NOS1AP: variants seen among roughly 807,000 people sequenced by gnomAD.
NOS1AP encodes carboxyl-terminal PDZ ligand of neuronal nitric oxide synthase protein.
In NOS1AP, 21 loss-of-function variants were observed where a neutral mutation model predicts 56.2. That is an observed-to-expected ratio of 0.37 (90% CI 0.26 to 0.54). The LOEUF (loss-of-function observed/expected upper bound fraction) is 0.54. Ranked by LOEUF, NOS1AP falls within the 20% of genes least tolerant of loss-of-function variation. The pLI, the probability that NOS1AP is intolerant of heterozygous loss-of-function variation, is 0.84. For synonymous variants in NOS1AP, 270 were observed against 274.6 expected, an observed-to-expected ratio of 0.98 and a Z score of 0.17; for missense variants, 522 against 657.8, an observed-to-expected ratio of 0.79 and a Z score of 2.26.
intron 1 of NOS1AP, among the ~76,000 whole-genome samples, chr1:162,105,538 C>T (rs186357409): frequency 3.9e-5 from 6 of 152,298 alleles, no homozygotes; most frequent in East Asian, 1.9e-4. Flanking sequence ...AGATGGTGGC[C>T]GCCTCTCCCC....
intron 2 of NOS1AP, among the ~76,000 whole-genome samples, chr1:162,226,154 G>C (rs975036749): frequency 8.5e-5 from 13 of 152,060 alleles, no homozygotes; most frequent in Admixed American, 2.0e-4. Context: ...TTAGCTGGGC[G>C]TGGTGGTGCA....
At position 162,340,113 on chromosome 1, in the gene NOS1AP, G is replaced by C. The variant is rs936685962; in HGVS notation, c.454-3722G>C. ...TTCTGTGAAACAGTTAGAGTAGCTT[G>C]ATTATGTGTTCCAGTGCAGAGGGCT... On this transcript the variant is annotated intron_variant, in intron 5 of 9. Transcript: ENST00000361897. 2.0e-5 allele frequency among the ~76,000 whole-genome samples: 3 copies of C among 152,338 alleles called. No homozygotes were observed. The East Asian group carries it at 5.8e-4, about 29-fold the overall frequency.
intron 2 of NOS1AP, among the ~76,000 whole-genome samples, chr1:162,235,213 AG>A (rs1653249976): frequency 6.6e-6 from 1 of 152,098 alleles, no homozygotes; most frequent in Non-Finnish European, 1.5e-5. Context: ...TTTCCCCCAT[AG>A]AAGGGTTCAC....
intron 3 of NOS1AP, among the ~76,000 whole-genome samples, chr1:162,298,543 G>T (rs906624576): frequency 5.3e-5 from 8 of 152,206 alleles, no homozygotes; most frequent in African/African-American, 1.2e-4. Context: ...TAATAAGGTG[G>T]CATCCTACTC....
intron 2 of NOS1AP, among the ~76,000 whole-genome samples, chr1:162,177,354 A>C (rs1651099582): frequency 2.0e-5 from 3 of 152,172 alleles, no homozygotes; most frequent in South Asian, 2.1e-4. Flanking sequence ...TTTGTTACAC[A>C]GAGTGATTCG....
At chr1:162,149,689 T>C (rs917448056) in intron 1 of NOS1AP, among the ~76,000 whole-genome samples, 5 of 152,252 alleles carry the variant, frequency 3.3e-5, no homozygotes, top group African/African-American at 1.2e-4. Context: ...GATGCAGACC[T>C]GAATCCTGCT....
At chr1:162,266,036 G>A (rs915928886) in intron 2 of NOS1AP, among the ~76,000 whole-genome samples, 5 of 152,212 alleles carry the variant, frequency 3.3e-5, no homozygotes, top group African/African-American at 1.2e-4. Flanking sequence ...AAAGATGCAT[G>A]TGGTGTCTCT....
intron 2 of NOS1AP, among the ~76,000 whole-genome samples, chr1:162,196,851 C>T (rs79952763): frequency 0.027 from 4,057 of 152,286 alleles, 75 homozygotes; most frequent in Non-Finnish European, 0.041. Flanking sequence ...ATTTATTGTG[C>T]GAACGAATCT....
intron 2 of NOS1AP, among the ~76,000 whole-genome samples, chr1:162,163,688 G>A (rs1319597286): frequency 6.6e-6 from 1 of 152,122 alleles, no homozygotes. Context: ...TTCCTGGGGG[G>A]CAGGAATGGG....
chr1:162,127,854 C>T (rs534288581), intron 1 of NOS1AP, among the ~76,000 whole-genome samples: 3 of 152,226 alleles, frequency 2.0e-5, no homozygotes, highest in Non-Finnish European at 2.9e-5. Context: ...GATTACAATT[C>T]GACATGAGAT....
At chr1:162,327,670 G>C (rs1017685704) in intron 4 of NOS1AP, among the ~76,000 whole-genome samples, 1 of 152,144 alleles carries the variant, frequency 6.6e-6, no homozygotes, top group Non-Finnish European at 1.5e-5. Context: ...ACTACAGTGT[G>C]AACCAGCAAT....
intron 1 of NOS1AP, among the ~76,000 whole-genome samples, chr1:162,138,047 T>G (rs1424338490): frequency 6.6e-6 from 1 of 152,230 alleles, no homozygotes; most frequent in Non-Finnish European, 1.5e-5. Context: ...CAGGATACAT[T>G]GACACCTTTT....
At chr1:162,207,062 C>T (rs1338164452) in intron 2 of NOS1AP, among the ~76,000 whole-genome samples, 2 of 152,172 alleles carry the variant, frequency 1.3e-5, no homozygotes, top group South Asian at 2.1e-4. Context: ...GAAAAGCAGT[C>T]GCCAGTGGGA....
intron 2 of NOS1AP, among the ~76,000 whole-genome samples, chr1:162,233,312 C>G (rs1653184837): frequency 6.6e-6 from 1 of 152,188 alleles, no homozygotes; most frequent in Non-Finnish European, 1.5e-5. Context: ...GCCTGTGGCT[C>G]TTGCATGGTG....
chr1:162,144,582 CT>C (rs937898154), intron 1 of NOS1AP, among the ~76,000 whole-genome samples: 1 of 151,982 alleles, frequency 6.6e-6, no homozygotes, highest in African/African-American at 2.4e-5. Flanking sequence ...CTTTTCTTTT[CT>C]TTTCTTTTCC....
intron 4 of NOS1AP, among the ~76,000 whole-genome samples, chr1:162,313,826 G>T (rs1656139227): frequency 6.6e-6 from 1 of 152,174 alleles, no homozygotes; most frequent in South Asian, 2.1e-4. Context: ...TGAAGCTTCA[G>T]TGCTTTTACC....
At chr1:162,356,885 G>A (rs1463999852) in intron 7 of NOS1AP, 75 bp from the exon 8 acceptor site, 1 of 1,610,374 alleles carries the variant, frequency 6.2e-7, no homozygotes, top group African/African-American at 1.3e-5. Flanking sequence ...CCTCCTGAGT[G>A]CATGCCAAAG....
intron 2 of NOS1AP, among the ~76,000 whole-genome samples, chr1:162,168,629 G>T (rs1017973603): frequency 2.4e-4 from 36 of 151,546 alleles, no homozygotes; most frequent in African/African-American, 7.2e-4. Flanking sequence ...GCTGAGGCTT[G>T]TGGGCAGGGG....
At chr1:162,248,063 G>A (rs1015241103) in intron 2 of NOS1AP, among the ~76,000 whole-genome samples, 4 of 151,988 alleles carry the variant, frequency 2.6e-5, no homozygotes, top group African/African-American at 4.8e-5. Flanking sequence ...TGGGAGGATC[G>A]CTTGAGGCCG....
Sources: allele counts gnomAD v4.1 joint callset (sites outside exome capture counted in the v4.1 genomes callset), GRCh38; gene constraint gnomAD v4.1.1; transcripts MANE v1.5; gene names NCBI Gene and HGNC (gene_info 2026-07-23, HGNC 2026-07-21).